Variants in RABL3 observed in about 807,000 individuals in gnomAD.
The protein encoded by RABL3 is rab-like protein 3.
A neutral mutation model predicts 31.8 loss-of-function variants in RABL3; 31 were observed. That is an observed-to-expected ratio of 0.97 (90% CI 0.73 to 1.31). The LOEUF is 1.31. Ranked by LOEUF, RABL3 falls within the 40% of genes most tolerant of loss-of-function variation. RABL3 has a pLI of 0.00. For synonymous variants in RABL3, 97 were observed against 99.9 expected (o/e 0.97, Z 0.18); for missense variants, 263 against 279.6 (o/e 0.94, Z 0.42).
At chr3:120,709,667 G>T in intron 3 of RABL3, 113 bp downstream of exon 3, 1 of 763,256 alleles carries the variant, frequency 1.3e-6, no homozygotes, top group Non-Finnish European at 2.1e-6. Context: ...AGGGTTGTGA[G>T]TACATTATAT....
chr3:120,709,253 C>T (rs1708585002), intron 3 of RABL3, among the ~76,000 whole-genome samples: 1 of 151,986 alleles, frequency 6.6e-6, no homozygotes, highest in Admixed American at 6.6e-5. Context: ...TACACAGCTC[C>T]ATCTGGAAGT....
At chr3:120,690,349 A>G in intron 7 of RABL3, 100 bp downstream of exon 7, 1 of 804,720 alleles carries the variant, frequency 1.2e-6, no homozygotes, top group Non-Finnish European at 2.1e-6. Context: ...TGTGCCTATA[A>G]AGGGCTTTCC....
intron 2 of RABL3, 150 bp downstream of exon 2, chr3:120,730,546 C>CA: frequency 1.8e-6 from 1 of 565,698 alleles, no homozygotes; most frequent in Non-Finnish European, 3.1e-6. Flanking sequence ...ACATGTAAAG[C>CA]AACTGGCATA....
chr3:120,702,707 G>A lies in RABL3; in HGVS notation c.383+3293C>T, dbSNP rs545116802. ...CAAGTAGCTGGGACTACAGGCGCCCGCCACAACGCCTGGCTAATCTTTTGT... is the reference window on the plus strand; with the variant it reads ...CAAGTAGCTGGGACTACAGGCGCCCACCACAACGCCTGGCTAATCTTTTGT... On this transcript the variant is annotated intron_variant, in intron 4 of 7. Coordinates refer to ENST00000273375, the MANE Select transcript of RABL3 (RefSeq NM_173825.5). Among the ~76,000 whole-genome samples, 123 of 152,042 alleles carry A rather than the reference G, an allele frequency of 8.1e-4. 1 individual carries two copies. In the South Asian group the frequency reaches 0.025, roughly 31 times the overall value.
intron 1 of RABL3, among the ~76,000 whole-genome samples, chr3:120,732,523 T>C (rs1210634732): frequency 6.6e-6 from 1 of 152,142 alleles, no homozygotes; most frequent in Non-Finnish European, 1.5e-5. Flanking sequence ...TGGAGAAGAA[T>C]GCCCTGTATA....
At chr3:120,736,228 C>T (rs1021291902) in intron 1 of RABL3, among the ~76,000 whole-genome samples, 1 of 152,130 alleles carries the variant, frequency 6.6e-6, no homozygotes, top group Non-Finnish European at 1.5e-5. Context: ...CTGGGTGCTC[C>T]TGTATTGGGT....
At chr3:120,720,729 A>G (rs1332582107) in intron 2 of RABL3, among the ~76,000 whole-genome samples, 5 of 152,238 alleles carry the variant, frequency 3.3e-5, no homozygotes, top group African/African-American at 9.6e-5. Context: ...TGAAAGTGAC[A>G]GGGAGAATGG....
At position 120,694,296 on chromosome 3, in the gene RABL3, C is replaced by A; in HGVS notation, c.535-72G>T. ...AGCTCGTTGCTATTCATAACTTATC[C>A]TGTTGCATATTTCTGTAGGCATAAT... is the stretch of plus-strand genomic sequence containing the variant. On this transcript the variant is annotated intron_variant, in intron 5 of 7. Transcript: ENST00000273375. 4.1e-6 allele frequency: 4 copies of A among 974,500 alleles called. No individual in the cohort carries two copies. In the South Asian group the frequency reaches 5.7e-5, roughly 14 times the overall value. The allele number at this position is 974,500 out of a possible 1,614,324, so 60.4% of individuals were successfully genotyped here. A position where few individuals can be genotyped will look rare whatever the true frequency, so the allele number is the denominator to read the frequency against.
chr3:120,735,831 C>T (rs971870954), intron 1 of RABL3, among the ~76,000 whole-genome samples: 4 of 152,148 alleles, frequency 2.6e-5, no homozygotes, highest in Non-Finnish European at 5.9e-5. Context: ...GTAGGTTGTT[C>T]AGTTTCCATG....
intron 6 of RABL3, among the ~76,000 whole-genome samples, chr3:120,693,776 G>A (rs1708406094): frequency 6.6e-6 from 1 of 152,142 alleles, no homozygotes; most frequent in South Asian, 2.1e-4. Context: ...AGCTAGGAGA[G>A]CAAAAAGAAC....
At chr3:120,720,549 A>T (rs1357766086) in intron 2 of RABL3, among the ~76,000 whole-genome samples, 1 of 152,266 alleles carries the variant, frequency 6.6e-6, no homozygotes. Context: ...CACAAGCCTC[A>T]GTAGTCGATT....
At chr3:120,712,014 T>TTTA (rs1708618098) in intron 2 of RABL3, among the ~76,000 whole-genome samples, 2 of 152,286 alleles carry the variant, frequency 1.3e-5, no homozygotes, top group East Asian at 1.9e-4. Context: ...AAGTATCTAC[T>TTTA]GGCTTTGACA....
At chr3:120,730,607 C>T (rs1233407769) in intron 2 of RABL3, 89 bp downstream of exon 2, 13 of 885,184 alleles carry the variant, frequency 1.5e-5, no homozygotes, top group Non-Finnish European at 2.4e-5. Context: ...TACTATTGAT[C>T]TTGACCATAG....
At chr3:120,738,053 A>T (rs1250389366) in intron 1 of RABL3, among the ~76,000 whole-genome samples, 2 of 152,192 alleles carry the variant, frequency 1.3e-5, no homozygotes, top group Non-Finnish European at 2.9e-5. Flanking sequence ...AAGCTGTCCG[A>T]CAGGGACATT....
intron 4 of RABL3, among the ~76,000 whole-genome samples, chr3:120,700,957 C>T (rs1052151464): frequency 2.6e-5 from 4 of 151,958 alleles, no homozygotes; most frequent in African/African-American, 9.7e-5. Flanking sequence ...TTAAATATGG[C>T]TAAAAACTCA....
intron 3 of RABL3, among the ~76,000 whole-genome samples, chr3:120,706,601 T>C (rs973168463): frequency 1.9e-5 from 2 of 104,342 alleles, no homozygotes; most frequent in African/African-American, 5.4e-5. Context: ...ACTAAAATAG[T>C]ACTGATTTGA....
intron 5 of RABL3, 139 bp from the exon 6 acceptor site, chr3:120,694,363 TC>T: frequency 1.8e-6 from 1 of 569,328 alleles, no homozygotes; most frequent in Non-Finnish European, 3.2e-6. Context: ...CAAATAATTT[TC>T]AAATTATGGT....
intron 1 of RABL3, among the ~76,000 whole-genome samples, chr3:120,732,330 C>A (rs1411590761): frequency 6.6e-6 from 1 of 152,150 alleles, no homozygotes; most frequent in Non-Finnish European, 1.5e-5. Flanking sequence ...ATAGGGAGAA[C>A]TAAGCATAGC....
chr3:120,718,195 T>C (rs963872692), intron 2 of RABL3, among the ~76,000 whole-genome samples: 4 of 152,154 alleles, frequency 2.6e-5, no homozygotes, highest in South Asian at 2.1e-4. Context: ...TTAACAAATC[T>C]CCGCCTCTAC....
Sources: gnomAD v4.1 joint callset for allele counts (sites outside exome capture counted in the v4.1 genomes callset) on GRCh38, gnomAD v4.1.1 for gene constraint, MANE v1.5 for transcripts, NCBI Gene and HGNC (gene_info 2026-07-23, HGNC 2026-07-21) for gene names.